The following PRAG1 variants were observed in gnomAD, a reference collection of about 807,000 sequenced individuals.
PRAG1 encodes the protein PEAK1 related, kinase-activating pseudokinase 1.
Under a neutral mutation model 95.6 loss-of-function variants are expected in PRAG1, and 110 were observed. The ratio of observed to expected loss-of-function variants is 1.15; its 90% CI spans 0.99 to 1.35. The LOEUF (loss-of-function observed/expected upper bound fraction) is 1.35. PRAG1 is among the 40% of genes most tolerant of loss of function. The probability of loss-of-function intolerance (pLI) is 0.00; values close to 1 mark genes in which losing one functional copy is unlikely to be tolerated. For missense variants in PRAG1, 2,554 were observed against 1,864.7 expected, an observed-to-expected ratio of 1.37 and a Z score of -6.81; for synonymous variants, 1,052 against 819.4, an observed-to-expected ratio of 1.28 and a Z score of -4.85.
Position 8,339,492 on chromosome 8 carries a change from G to C in PRAG1, c.2306C>G (p.Thr769Ser). The change falls in exon 4 of 6, where the codon ACC becomes AGC. Residue 769 changes from threonine to serine, a missense_variant. Coordinates refer to ENST00000615670, the MANE Select transcript of PRAG1 (RefSeq NM_001080826.3). ...AAGTTTGTTACCTCCATCGCTGCAG[G>C]TCCTAGAGTCTGAGGCCAGGCTGTC... ...STDSLASDSR[T>S]CSDGGPSSEL... The C allele has an allele frequency of 3.1e-6, 5 of 1,614,118 alleles. No homozygotes were observed. Among genetic ancestry groups the C allele is most frequent in the Non-Finnish European group, 4.2e-6 (5 of 1,180,024 alleles).
intron 4 of PRAG1, among the ~76,000 whole-genome samples, chr8:8,338,032 C>T (rs535563463): frequency 6.6e-6 from 1 of 152,118 alleles, no homozygotes; most frequent in Non-Finnish European, 1.5e-5. Flanking sequence ...CTCCTCACCC[C>T]CTACCTCCCC....
chr8:8,339,338 C>T (rs1799093056), intron 4 of PRAG1, 140 bp downstream of exon 4: 1 of 879,824 alleles, frequency 1.1e-6, no homozygotes, highest in African/African-American at 1.7e-5. Context: ...TCAACAGCTC[C>T]CTGGAAGAGT....
intron 1 of PRAG1, among the ~76,000 whole-genome samples, chr8:8,384,277 T>C (rs867395184): frequency 3.3e-5 from 5 of 152,132 alleles, no homozygotes; most frequent in Middle Eastern, 6.8e-3. Context: ...GGCCCTACTT[T>C]CTAAGATTCC....
rs1377164539 is a variant in PRAG1 at position 8,318,189 on chromosome 8, G to A, written c.4186C>T (p.Leu1396Phe). The part of the protein sequence containing the change: ...QYLASAEPGA[L>F]LQSLKLLQLL ...TGCAGGAGCTTCAGCGACTGTAAGA[G>A]GGCCCCGGGCTCCGCAGACGCCAGG... Residue 1396 changes from leucine (L) to phenylalanine (F), a missense_variant, in exon 6 of 6, where the codon CTC becomes TTC. Leu to Phe is a conservative substitution (Grantham distance 22). Coordinates refer to ENST00000615670, the MANE Select transcript of PRAG1 (RefSeq NM_001080826.3). This position sits in a 1 kb window ranked among gnomAD's most constrained non-coding sequence, Gnocchi z 4.2. 8 of 1,613,934 alleles carry A rather than the reference G, an allele frequency of 5.0e-6. 1 individual carries two copies. In the South Asian group the frequency reaches 7.7e-5, roughly 16 times the overall value.
intron 1 of PRAG1, among the ~76,000 whole-genome samples, chr8:8,384,155 G>C (rs4840341): frequency 1.3e-5 from 2 of 151,904 alleles, no homozygotes; most frequent in East Asian, 1.9e-4. Flanking sequence ...ACTTCCTCAG[G>C]GTCTATCACA....
rs1798336431 is a variant in PRAG1, at chr8:8,318,159, G to A, written c.4216C>T (p.Leu1406=). 6.2e-7 allele frequency: 1 copy of A among 1,611,716 alleles called. No homozygotes were observed. Among genetic ancestry groups the A allele is most frequent in the Non-Finnish European group, 8.5e-7 (1 of 1,178,786 alleles). The change falls in exon 6 of 6, where the codon CTG becomes TTG. Residue 1406 remains leucine, a synonymous_variant. Coordinates refer to ENST00000615670, the MANE Select transcript of PRAG1 (RefSeq NM_001080826.3). This position sits in a 1 kb window ranked among gnomAD's most constrained non-coding sequence, Gnocchi z 4.2. ...LLQSLKLLQL[L] ...GGTGCAGGCTGGGGCTTGGCTCACAGAAGCTGCAGGAGCTTCAGCGACTGT... is the reference window on the plus strand; with the variant it reads ...GGTGCAGGCTGGGGCTTGGCTCACAAAAGCTGCAGGAGCTTCAGCGACTGT...
At chr8:8,365,999 AAAC>A (rs1356012776) in intron 3 of PRAG1, among the ~76,000 whole-genome samples, 1 of 151,838 alleles carries the variant, frequency 6.6e-6, no homozygotes, top group Non-Finnish European at 1.5e-5. Context: ...ACAAACAAAC[AAAC>A]AAAATAAGGC....
intron 3 of PRAG1, among the ~76,000 whole-genome samples, chr8:8,375,143 A>C (rs905105799): frequency 2.6e-5 from 4 of 152,000 alleles, no homozygotes; most frequent in African/African-American, 7.2e-5. Context: ...AGGAGATAGC[A>C]GGGAAGCAGT....
At chr8:8,373,789 A>AT in intron 3 of PRAG1, among the ~76,000 whole-genome samples, 4 of 152,058 alleles carry the variant, frequency 2.6e-5, no homozygotes, top group Admixed American at 2.6e-4. Flanking sequence ...TAACTTGTTT[A>AT]TTTTTTAAGA....
chr8:8,368,836 GA>G (rs1316265214), intron 3 of PRAG1, among the ~76,000 whole-genome samples: 10 of 139,320 alleles, frequency 7.2e-5, no homozygotes, highest in South Asian at 2.3e-4. Context: ...CTCTCTGGTG[GA>G]AAAAAAAAAG....
chr8:8,318,076 A>G lies in PRAG1; in HGVS notation c.*78T>C. ...CAGTCATCTGTACCATTTCCCAGGG[A>G]GACATGGGTGCTTCCAAGGCGAGAC... On this transcript the variant is annotated 3_prime_UTR_variant, in exon 6 of 6. Coordinates refer to ENST00000615670, the MANE Select transcript of PRAG1 (RefSeq NM_001080826.3). This position sits in a 1 kb window ranked among gnomAD's most constrained non-coding sequence, Gnocchi z 4.2. 2.1e-6 allele frequency: 3 copies of G among 1,405,222 alleles called. No individual in the cohort carries two copies. Among genetic ancestry groups the G allele is most frequent in the Non-Finnish European group, 2.9e-6 (3 of 1,046,914 alleles). 87.0% of individuals were successfully genotyped at this position (1,405,222 alleles called of 1,614,324 possible).
intron 3 of PRAG1, among the ~76,000 whole-genome samples, chr8:8,370,393 C>G (rs1018697109): frequency 6.6e-6 from 1 of 152,208 alleles, no homozygotes; most frequent in African/African-American, 2.4e-5. Flanking sequence ...AGTATTCATT[C>G]TCCCCTGACC....
intron 4 of PRAG1, among the ~76,000 whole-genome samples, chr8:8,329,303 G>T (rs2945900): frequency 0.21 from 31,929 of 151,842 alleles, 3,712 homozygotes; most frequent in African/African-American, 0.31. Context: ...TGAGGCAGGA[G>T]AATCGCTTGA....
At chr8:8,328,836 T>G (rs1182722581) in intron 4 of PRAG1, among the ~76,000 whole-genome samples, 1 of 152,212 alleles carries the variant, frequency 6.6e-6, no homozygotes, top group Non-Finnish European at 1.5e-5. Flanking sequence ...GGCTACTGTT[T>G]GGAATAATGC....
At position 8,376,624 on chromosome 8, in the gene PRAG1, G is replaced by C. The variant is rs199749191; in HGVS notation, c.1785C>G (p.Pro595=). 17 of 1,604,236 alleles carry C rather than the reference G, an allele frequency of 1.1e-5. No individual in the cohort carries two copies. The highest frequency in any genetic ancestry group is 1.1e-5 in the Non-Finnish European group (13 of 1,174,866). ...PQPPSQGPAD[P]APSCRTNGVA... ...CACCGTTGGTCCGGCAGGAAGGAGC[G>C]GGGTCAGCAGGACCTTGGGATGGAG... The change falls in exon 3 of 6, where the codon CCC becomes CCG. Residue 595 remains proline (P), a synonymous_variant. Coordinates refer to ENST00000615670, the MANE Select transcript of PRAG1 (RefSeq NM_001080826.3).
chr8:8,367,320 T>C (rs1800040875), intron 3 of PRAG1, among the ~76,000 whole-genome samples: 1 of 151,564 alleles, frequency 6.6e-6, no homozygotes. Flanking sequence ...CAGCCAGGCA[T>C]GGTGGCAGGC....
intron 2 of PRAG1, 143 bp from the exon 3 acceptor site, chr8:8,378,221 G>T (rs1218833210): frequency 2.2e-6 from 2 of 914,434 alleles, no homozygotes; most frequent in African/African-American, 3.3e-5. Flanking sequence ...CGGGGACTCA[G>T]TGCACGCCCA....
intron 3 of PRAG1, among the ~76,000 whole-genome samples, chr8:8,347,203 C>T (rs966457269): frequency 6.6e-6 from 1 of 152,210 alleles, no homozygotes; most frequent in African/African-American, 2.4e-5. Context: ...TGAGGCCTCC[C>T]CGGCCTTGTG....
intron 3 of PRAG1, among the ~76,000 whole-genome samples, chr8:8,345,566 G>C (rs190412828): frequency 6.6e-6 from 1 of 152,016 alleles, no homozygotes; most frequent in African/African-American, 2.4e-5. Flanking sequence ...AGAGGCGGGT[G>C]GATCACTTGA....
Sources: allele counts gnomAD v4.1 joint callset (sites outside exome capture counted in the v4.1 genomes callset), GRCh38; gene constraint gnomAD v4.1.1; non-coding constraint Gnocchi (gnomAD v3.1); transcripts MANE v1.5; gene names NCBI Gene and HGNC (gene_info 2026-07-23, HGNC 2026-07-21).